Variants in OPCML observed in about 807,000 individuals in gnomAD.
The protein encoded by OPCML is opioid-binding protein/cell adhesion molecule.
In OPCML, 13 loss-of-function variants were observed where a neutral mutation model predicts 37.8. That is an observed-to-expected ratio of 0.34 (90% CI 0.22 to 0.55). The LOEUF (loss-of-function observed/expected upper bound fraction) is 0.55, where lower values mean the gene tolerates loss of function less well. Ranked by LOEUF, OPCML falls within the 20% of genes least tolerant of loss-of-function variation. OPCML has a pLI of 0.91. For synonymous variants in OPCML, 176 were observed against 168.8 expected (o/e 1.04, Z -0.33); for missense variants, 341 against 435.6 (o/e 0.78, Z 1.93).
At chr11:132,860,190 T>G (rs557874950) in intron 2 of OPCML, 1 of 152,318 alleles carries the variant, frequency 6.6e-6, no homozygotes, top group African/African-American at 2.4e-5. Flanking sequence ...GTATGGAAGT[T>G]AAAGATGCTT....
At chr11:132,918,684 T>A (rs1944688096) in intron 2 of OPCML, among the ~76,000 whole-genome samples, 1 of 152,170 alleles carries the variant, frequency 6.6e-6, no homozygotes. Flanking sequence ...AAGTTATGAT[T>A]CCCCAATCAC....
At chr11:133,111,099 T>C (rs1949245938) in intron 1 of OPCML, among the ~76,000 whole-genome samples, 2 of 152,146 alleles carry the variant, frequency 1.3e-5, no homozygotes, top group South Asian at 2.1e-4. Flanking sequence ...GCAACATTAT[T>C]CTCCTCCTCT....
At chr11:132,918,915 T>C (rs6590664) in intron 2 of OPCML, among the ~76,000 whole-genome samples, 33,887 of 152,114 alleles carry the variant, frequency 0.22, 6,419 homozygotes, top group African/African-American at 0.51. Context: ...GACACTTGTG[T>C]ATGACTCAAT....
intron 1 of OPCML, among the ~76,000 whole-genome samples, chr11:133,521,629 C>G (rs1245593768): frequency 6.6e-6 from 1 of 152,206 alleles, no homozygotes; most frequent in African/African-American, 2.4e-5. Context: ...AAAGAGGCAT[C>G]CATCCCAGTG....
chr11:132,881,129 A>C (rs578040574), intron 2 of OPCML, among the ~76,000 whole-genome samples: 1 of 152,248 alleles, frequency 6.6e-6, no homozygotes. Context: ...GTTGGGATGA[A>C]GCACTGGGAA....
At chr11:132,846,014 C>G (rs1941519251) in intron 2 of OPCML, among the ~76,000 whole-genome samples, 1 of 152,130 alleles carries the variant, frequency 6.6e-6, no homozygotes, top group South Asian at 2.1e-4. Flanking sequence ...AGAGCAATCC[C>G]CCAGTCACCA....
chr11:132,534,406 A>G (rs1474520215), intron 3 of OPCML, among the ~76,000 whole-genome samples: 1 of 152,214 alleles, frequency 6.6e-6, no homozygotes, highest in African/African-American at 2.4e-5. Flanking sequence ...GCCACATAAT[A>G]TTTAATAGAT....
chr11:132,905,225 CTTTTTTTTT>C (rs373679886), intron 2 of OPCML, among the ~76,000 whole-genome samples: 26 of 88,366 alleles, frequency 2.9e-4, no homozygotes, highest in South Asian at 8.6e-4. Flanking sequence ...GAAAGCAGTT[CTTTTTTTTT>C]TTTTTTTTTT....
chr11:133,138,841 C>A (rs1476769623), intron 1 of OPCML, among the ~76,000 whole-genome samples: 3 of 152,172 alleles, frequency 2.0e-5, no homozygotes, highest in Non-Finnish European at 4.4e-5. Flanking sequence ...ATGAACCTGC[C>A]TTTACTGAGC....
chr11:132,683,965 C>A (rs1214212909), intron 2 of OPCML, among the ~76,000 whole-genome samples: 1 of 152,080 alleles, frequency 6.6e-6, no homozygotes, highest in African/African-American at 2.4e-5. Flanking sequence ...CCCGAGATGT[C>A]CCTTTCTGAA....
At chr11:133,259,146 G>A (rs913625708) in intron 1 of OPCML, among the ~76,000 whole-genome samples, 7 of 152,148 alleles carry the variant, frequency 4.6e-5, no homozygotes, top group Admixed American at 1.3e-4. Context: ...GGAGAATTGA[G>A]GTGCAGTGAC....
chr11:133,420,425 T>C (rs1484518177), intron 1 of OPCML: 2 of 985,352 alleles, frequency 2.0e-6, no homozygotes, highest in South Asian at 4.7e-5. Flanking sequence ...AGTATATCAG[T>C]TGAATTTCAG....
chr11:132,458,590 A>G (rs1331966262), intron 4 of OPCML, among the ~76,000 whole-genome samples: 3 of 152,258 alleles, frequency 2.0e-5, no homozygotes, highest in East Asian at 1.9e-4. Flanking sequence ...TTGTAGTATT[A>G]TGCTTATCAA....
At position 133,235,519 on chromosome 11, in the gene OPCML, C is replaced by G. The variant is rs75699714; in HGVS notation, c.62-292509G>C. Among the ~76,000 whole-genome samples the G allele has an allele frequency of 3.1e-3, 474 of 152,296 alleles. 4 individuals carry two copies. Among genetic ancestry groups the G allele is most frequent in the African/African-American group, 0.011 (446 of 41,558 alleles). Reference sequence around the variant, plus strand: ...AATCAAACATATTCAACTCAAACAACAGCAAAACGAGGAATGCTTGTGTCA... The same window carrying G: ...AATCAAACATATTCAACTCAAACAAGAGCAAAACGAGGAATGCTTGTGTCA... On this transcript the variant is annotated intron_variant, in intron 1 of 7. Coordinates refer to ENST00000524381, the MANE Select transcript of OPCML (RefSeq NM_001012393.5).
chr11:133,479,463 C>A (rs1591545418), intron 1 of OPCML, among the ~76,000 whole-genome samples: 1 of 152,300 alleles, frequency 6.6e-6, no homozygotes, highest in East Asian at 1.9e-4. Context: ...AAATTGGCAA[C>A]CTGGAAGCTC....
chr11:132,485,763 T>C (rs773883549), intron 4 of OPCML, among the ~76,000 whole-genome samples: 5 of 152,244 alleles, frequency 3.3e-5, no homozygotes, highest in Admixed American at 1.3e-4. Context: ...TAATATTCCA[T>C]GGATGAATAC....
intron 1 of OPCML, among the ~76,000 whole-genome samples, chr11:133,383,603 C>A (rs566444462): frequency 6.6e-6 from 1 of 152,242 alleles, no homozygotes; most frequent in South Asian, 2.1e-4. Flanking sequence ...CAGAACATAT[C>A]CATAAACAAC....
chr11:132,748,301 T>C (rs918878943), intron 2 of OPCML, among the ~76,000 whole-genome samples: 1 of 152,152 alleles, frequency 6.6e-6, no homozygotes, highest in Admixed American at 6.5e-5. Flanking sequence ...TTTGGTTCAC[T>C]GCATCTTCCT....
intron 1 of OPCML, chr11:133,421,700 T>C (rs1388423482): frequency 2.0e-6 from 2 of 984,670 alleles, no homozygotes; most frequent in African/African-American, 1.7e-5. Context: ...TTCCTTATTG[T>C]GTATTAAGGA....
Sources: gnomAD v4.1 joint callset for allele counts (sites outside exome capture counted in the v4.1 genomes callset) on GRCh38, gnomAD v4.1.1 for gene constraint, MANE v1.5 for transcripts, NCBI Gene and HGNC (gene_info 2026-07-23, HGNC 2026-07-21) for gene names.